Variants in STX6 observed in about 807,000 individuals in gnomAD.
STX6 encodes the protein syntaxin-6.
STX6 carries 23 observed loss-of-function variants against 38.0 expected under a neutral mutation model. That is an observed-to-expected ratio of 0.60 (90% CI 0.43 to 0.86). STX6 has a LOEUF of 0.86. Among genes scored for constraint, STX6 ranks in the 40% least tolerant of loss-of-function variants. STX6 has a pLI of 0.00. For missense variants in STX6, 274 were observed against 312.9 expected (o/e 0.88, Z 0.94); for synonymous variants, 123 against 107.5 (o/e 1.14, Z -0.89).
intron 7 of STX6, among the ~76,000 whole-genome samples, chr1:180,982,166 T>C (rs1406218189): frequency 1.3e-5 from 2 of 152,198 alleles, no homozygotes; most frequent in African/African-American, 4.8e-5. Context: ...CCTGTGTGCC[T>C]GTAACTACTT....
intron 1 of STX6, among the ~76,000 whole-genome samples, chr1:181,010,943 A>C (rs570319793): frequency 6.6e-5 from 10 of 152,206 alleles, no homozygotes; most frequent in African/African-American, 2.4e-4. Context: ...AGGAGTGTGC[A>C]TGGGTGGATT....
At chr1:180,983,902 A>C (rs7543927) in intron 7 of STX6, among the ~76,000 whole-genome samples, 84,206 of 150,774 alleles carry the variant, frequency 0.56, 23,836 homozygotes, top group East Asian at 0.63. Context: ...ATCTCTACTA[A>C]AAATACAAAA....
intron 5 of STX6, 61 bp from the exon 6 acceptor site, chr1:180,988,406 GCA>G: frequency 7.6e-7 from 1 of 1,316,782 alleles, no homozygotes; most frequent in Non-Finnish European, 1.1e-6. Context: ...TCCAAGCCCA[GCA>G]CTCTAGCAGC....
chr1:181,016,502 C>T (rs1272303192), intron 1 of STX6, among the ~76,000 whole-genome samples: 5 of 152,148 alleles, frequency 3.3e-5, no homozygotes, highest in African/African-American at 9.7e-5. Flanking sequence ...GTTCTTACAA[C>T]GAAACACTGG....
chr1:180,995,213 G>A (rs1357807514), intron 3 of STX6, among the ~76,000 whole-genome samples: 4 of 151,906 alleles, frequency 2.6e-5, no homozygotes, highest in Non-Finnish European at 5.9e-5. Context: ...TGCCCACCTC[G>A]GCCGCCCAAA....
chr1:180,996,976 A>G (rs1178227843), intron 3 of STX6, among the ~76,000 whole-genome samples: 1 of 152,200 alleles, frequency 6.6e-6, no homozygotes, highest in Non-Finnish European at 1.5e-5. Context: ...ATTTCCACTA[A>G]TAAACAATAA....
chr1:180,984,149 T>A (rs1331028452), intron 7 of STX6, among the ~76,000 whole-genome samples: 3 of 146,730 alleles, frequency 2.0e-5, no homozygotes, highest in Non-Finnish European at 4.5e-5. Flanking sequence ...TCACAAAGCC[T>A]TAACTTTTCC....
At position 180,993,444 on chromosome 1, in the gene STX6, C is replaced by A. The variant is rs752345894; in HGVS notation, c.301-19G>T. 6.7e-7 allele frequency: 1 copy of A among 1,498,164 alleles called. No individual in the cohort carries two copies. The highest frequency in any genetic ancestry group is 1.7e-5 in the Admixed American group (1 of 58,250). The allele number at this position is 1,498,164 out of a possible 1,614,324, so 92.8% of individuals were successfully genotyped here. ...TCATGTCCTAATGAGAAAGAAGATA[C>A]GAAAACAAATGAAAAATATCCTTAA... On this transcript the variant is annotated intron_variant, in intron 3 of 7. Transcript: ENST00000258301.
intron 3 of STX6, among the ~76,000 whole-genome samples, chr1:180,999,195 G>C (rs1656006904): frequency 6.6e-6 from 1 of 152,156 alleles, no homozygotes; most frequent in African/African-American, 2.4e-5. Flanking sequence ...TGTTAGTGAG[G>C]ATTATTTCAT....
At chr1:181,000,143 C>A (rs571745983) in intron 3 of STX6, among the ~76,000 whole-genome samples, 54 of 152,258 alleles carry the variant, frequency 3.5e-4, no homozygotes, top group African/African-American at 1.2e-3. Context: ...TAAATTTAAA[C>A]AAGAATGATT....
intron 4 of STX6, 149 bp from the exon 5 acceptor site, chr1:180,990,258 G>A (rs899532086): frequency 7.2e-6 from 7 of 969,730 alleles, no homozygotes; most frequent in Non-Finnish European, 1.0e-5. Context: ...GTAGGTTGGT[G>A]CCTGGGTGGT....
At chr1:180,979,130 T>C (rs1420193301) in intron 7 of STX6, among the ~76,000 whole-genome samples, 1 of 151,142 alleles carries the variant, frequency 6.6e-6, no homozygotes. Flanking sequence ...AAAATAGAGA[T>C]CAAAAAGACT....
chr1:180,988,410 T>C, intron 5 of STX6, 65 bp from the exon 6 acceptor site: 1 of 1,269,892 alleles, frequency 7.9e-7, no homozygotes, highest in Admixed American at 1.7e-5. Context: ...AGCCCAGCAC[T>C]CTAGCAGCTG....
rs1167885162 is a variant in STX6 at position 181,002,767 on chromosome 1, G to GACACTT, written c.206-68_206-67insAAGTGT. 7.5e-6 allele frequency: 8 copies of GACACTT among 1,063,620 alleles called. No individual in the cohort carries two copies. The African/African-American group carries it at 7.9e-5, about 10-fold the overall frequency. The allele number at this position is 1,063,620 out of a possible 1,614,324, so 65.9% of individuals were successfully genotyped here. A position where few individuals can be genotyped will look rare whatever the true frequency, so the allele number is the denominator to read the frequency against. ...CCTGACAACATCCTGTTAACTCACT[G>GACACTT]AATCTCTCACATGCAAACAAATAAA... is the stretch of plus-strand genomic sequence containing the variant. On this transcript the variant is annotated intron_variant, in intron 2 of 7. Coordinates refer to ENST00000258301, the MANE Select transcript of STX6 (RefSeq NM_005819.6).
chr1:181,012,750 C>G (rs61809190), intron 1 of STX6, among the ~76,000 whole-genome samples: 2,978 of 148,954 alleles, frequency 0.02, 47 homozygotes, highest in Middle Eastern at 0.038. Context: ...TCTCAGCTCA[C>G]CACAACCTCC....
chr1:181,012,061 T>C (rs1656417307), intron 1 of STX6, among the ~76,000 whole-genome samples: 1 of 152,192 alleles, frequency 6.6e-6, no homozygotes, highest in Admixed American at 6.5e-5. Context: ...GAACTTTCCA[T>C]GAGAGAGTAT....
intron 3 of STX6, among the ~76,000 whole-genome samples, chr1:180,997,444 G>T (rs549979608): frequency 9.2e-5 from 14 of 152,214 alleles, no homozygotes; most frequent in African/African-American, 1.7e-4. Flanking sequence ...TTTTTCAATT[G>T]TAAGTTCTGT....
At chr1:181,017,005 G>A (rs957537420) in intron 1 of STX6, among the ~76,000 whole-genome samples, 2 of 151,894 alleles carry the variant, frequency 1.3e-5, no homozygotes, top group Admixed American at 1.3e-4. Flanking sequence ...CCCGGGAGGC[G>A]GAGGTTGCAG....
intron 7 of STX6, among the ~76,000 whole-genome samples, chr1:180,977,955 AT>A (rs1207991678): frequency 1.3e-5 from 2 of 152,236 alleles, no homozygotes; most frequent in African/African-American, 4.8e-5. Context: ...CTAGAAACTC[AT>A]TTAGTTAACT....
Sources: allele counts gnomAD v4.1 joint callset (sites outside exome capture counted in the v4.1 genomes callset), GRCh38; gene constraint gnomAD v4.1.1; transcripts MANE v1.5; gene names NCBI Gene and HGNC (gene_info 2026-07-23, HGNC 2026-07-21).